Variants in TTC23 observed in about 807,000 individuals in gnomAD.
TTC23 encodes tetratricopeptide repeat domain 23.
In TTC23, 58 loss-of-function variants were observed where a neutral mutation model predicts 55.1. The ratio of observed to expected loss-of-function variants is 1.05; its 90% CI spans 0.85 to 1.31. TTC23 has a LOEUF of 1.31. TTC23 is among the 50% of genes most tolerant of loss of function. TTC23 has a pLI of 0.00. For synonymous variants in TTC23, 203 were observed against 199.9 expected (o/e 1.02, Z -0.13); for missense variants, 516 against 534.4 (o/e 0.97, Z 0.34).
At chr15:99,202,949 A>G (rs2076316094) in intron 8 of TTC23, among the ~76,000 whole-genome samples, 1 of 152,202 alleles carries the variant, frequency 6.6e-6, no homozygotes, top group African/African-American at 2.4e-5. Flanking sequence ...CATCACACAG[A>G]TTAGTATTAA....
intron 4 of TTC23, among the ~76,000 whole-genome samples, chr15:99,229,047 A>G: frequency 3.0e-5 from 3 of 100,512 alleles, no homozygotes; most frequent in African/African-American, 1.1e-4. Context: ...AGTCCAGTAG[A>G]AATTAGCCTA....
In TTC23 at chr15:99,225,651, C is replaced by A. The variant is rs182008375; in HGVS notation, c.180+2882G>T. On this transcript the variant is annotated intron_variant, in intron 5 of 13. Coordinates refer to ENST00000394132, the MANE Select transcript of TTC23 (RefSeq NM_001288615.3). Reference sequence around the variant, plus strand: ...TAAATAAGCTGTGAAGAAAGAAAAGCTCTTCCTTATAATAGAATGCCAACA... The same window carrying A: ...TAAATAAGCTGTGAAGAAAGAAAAGATCTTCCTTATAATAGAATGCCAACA... Among the ~76,000 whole-genome samples, 134 of 152,336 alleles carry A rather than the reference C, an allele frequency of 8.8e-4. 1 individual carries two copies. Among genetic ancestry groups the A allele is most frequent in the African/African-American group, 3.2e-3 (131 of 41,566 alleles).
intron 4 of TTC23, among the ~76,000 whole-genome samples, chr15:99,234,032 T>C (rs2079123808): frequency 6.6e-6 from 1 of 152,154 alleles, no homozygotes; most frequent in Admixed American, 6.5e-5. Flanking sequence ...ATACAAAAAT[T>C]AACTCAAAAT....
At chr15:99,147,210 C>A (rs1336118777) in intron 12 of TTC23, among the ~76,000 whole-genome samples, 2 of 142,354 alleles carry the variant, frequency 1.4e-5, no homozygotes, top group African/African-American at 5.7e-5. Flanking sequence ...CAGCGCTGGG[C>A]CTCCAAATTC....
At chr15:99,214,124 T>G (rs1464702740) in intron 8 of TTC23, among the ~76,000 whole-genome samples, 1 of 152,188 alleles carries the variant, frequency 6.6e-6, no homozygotes, top group Non-Finnish European at 1.5e-5. Flanking sequence ...ATTTATTTAT[T>G]TATTTAAAGA....
intron 13 of TTC23, 89 bp downstream of exon 13, chr15:99,139,228 T>G (rs1344479716): frequency 6.6e-7 from 1 of 1,520,680 alleles, no homozygotes; most frequent in Non-Finnish European, 8.9e-7. Context: ...CCAGAGAAGG[T>G]TACACAGAAC....
At chr15:99,142,693 T>C (rs944420449) in intron 12 of TTC23, among the ~76,000 whole-genome samples, 1 of 152,268 alleles carries the variant, frequency 6.6e-6, no homozygotes, top group African/African-American at 2.4e-5. Context: ...ACATACAGCA[T>C]TGGTGAATAT....
rs138029606 is a variant in TTC23 at position 99,244,860 on chromosome 15, C to G, written c.-309+529G>C. On this transcript the variant is annotated intron_variant, in intron 2 of 13. Coordinates refer to ENST00000394132, the MANE Select transcript of TTC23 (RefSeq NM_001288615.3). ...TAAAAAAGAAGTTGGAGGACTCACACTTCCCATTTTTAAAATGTACTATAA... is the reference window on the plus strand; with the variant it reads ...TAAAAAAGAAGTTGGAGGACTCACAGTTCCCATTTTTAAAATGTACTATAA... 7.5e-3 allele frequency among the ~76,000 whole-genome samples: 1,142 copies of G among 152,258 alleles called. 18 individuals carry two copies. Among genetic ancestry groups the G allele is most frequent in the African/African-American group, 0.026 (1,074 of 41,542 alleles).
chr15:99,219,891 T>C (rs2077778738), intron 6 of TTC23, among the ~76,000 whole-genome samples: 1 of 152,232 alleles, frequency 6.6e-6, no homozygotes, highest in Admixed American at 6.5e-5. Context: ...GTTAATTCTG[T>C]TCCTATGTCT....
intron 8 of TTC23, among the ~76,000 whole-genome samples, chr15:99,203,364 T>C (rs2152002314): frequency 6.6e-6 from 1 of 152,214 alleles, no homozygotes; most frequent in African/African-American, 2.4e-5. Context: ...TAATTGTATA[T>C]ATGTATGGGG....
chr15:99,238,972 C>G (rs1382929104), intron 3 of TTC23, among the ~76,000 whole-genome samples: 1 of 152,104 alleles, frequency 6.6e-6, no homozygotes. Flanking sequence ...TTGGGAAACC[C>G]TGAGCTAGGG....
At chr15:99,237,152 T>A (rs1237897724) in intron 3 of TTC23, among the ~76,000 whole-genome samples, 1 of 152,026 alleles carries the variant, frequency 6.6e-6, no homozygotes, top group African/African-American at 2.4e-5. Context: ...CAGCTAACTT[T>A]TGTATTTTTA....
In TTC23 at chr15:99,218,693, T is replaced by A; in HGVS notation, c.476A>T (p.Asn159Ile). 1 of 1,614,182 alleles carries A rather than the reference T, an allele frequency of 6.2e-7. No homozygotes were observed. ...SLQKFKEAAE[N>I]LTKAERLSKE... ...TGAAAGTCTCTCTGCTTTTGTCAAATTCTCTGCAGCTTCCTTAAATCTGAA... is the reference window on the plus strand; with the variant it reads ...TGAAAGTCTCTCTGCTTTTGTCAAAATCTCTGCAGCTTCCTTAAATCTGAA... The change falls in exon 8 of 14, where the codon AAT becomes ATT. Residue 159 changes from asparagine to isoleucine, a missense_variant. Physicochemically the swap from Asn to Ile is moderately radical, Grantham distance 149 (BLOSUM62 -3). Transcript: ENST00000394132.
At chr15:99,138,191 A>G in intron 13 of TTC23, 64 bp from the exon 14 acceptor site, 1 of 1,589,714 alleles carries the variant, frequency 6.3e-7, no homozygotes, top group Non-Finnish European at 8.6e-7. Flanking sequence ...GTTCCCATCC[A>G]GCCTTTGCTG....
At chr15:99,228,407 G>A in intron 5 of TTC23, 126 bp downstream of exon 5, 2 of 831,832 alleles carry the variant, frequency 2.4e-6, no homozygotes, top group Non-Finnish European at 1.8e-6. Flanking sequence ...CAAAGGCACT[G>A]TCTTATATAC....
chr15:99,158,004 C>A (rs2070843179), intron 11 of TTC23: 1 of 152,162 alleles, frequency 6.6e-6, no homozygotes, highest in Non-Finnish European at 1.5e-5. Context: ...AACAGAAGGA[C>A]AAGGAGGGCG....
chr15:99,170,410 T>TCAAAAC (rs1265894090), intron 10 of TTC23, among the ~76,000 whole-genome samples: 2 of 152,120 alleles, frequency 1.3e-5, no homozygotes, highest in African/African-American at 4.8e-5. Context: ...TCTTCAAAAA[T>TCAAAAC]CAAAACCAAA....
At chr15:99,233,535 A>G (rs933057656) in intron 4 of TTC23, among the ~76,000 whole-genome samples, 2 of 152,166 alleles carry the variant, frequency 1.3e-5, no homozygotes, top group African/African-American at 4.8e-5. Context: ...ACAAGATCTA[A>G]TATCTAATAT....
intron 4 of TTC23, among the ~76,000 whole-genome samples, chr15:99,234,345 A>AATTT (rs1266781158): frequency 2.6e-5 from 4 of 152,094 alleles, no homozygotes; most frequent in African/African-American, 7.2e-5. Flanking sequence ...ACAAATGGGC[A>AATTT]ATTTATTTAT....
Sources: gnomAD v4.1 joint callset for allele counts (sites outside exome capture counted in the v4.1 genomes callset) on GRCh38, gnomAD v4.1.1 for gene constraint, MANE v1.5 for transcripts, NCBI Gene and HGNC (gene_info 2026-07-23, HGNC 2026-07-21) for gene names.